CTNNA3: variants seen among roughly 807,000 people sequenced by gnomAD.
CTNNA3 encodes the protein catenin alpha 3, also known as catenin alpha-3.
Under a neutral mutation model 95.7 loss-of-function variants are expected in CTNNA3, and 76 were observed. The observed-to-expected ratio is 0.79, with a 90% CI of 0.66 to 0.96. The LOEUF (loss-of-function observed/expected upper bound fraction) is 0.96. CTNNA3 is among the 40% of genes least tolerant of loss of function. CTNNA3 has a pLI of 0.00. For synonymous variants in CTNNA3, 431 were observed against 374.4 expected (o/e 1.15, Z -1.74); for missense variants, 1,191 against 1,089.8 (o/e 1.09, Z -1.31).
chr10:66,869,713 G>T (rs1191023974), intron 7 of CTNNA3, among the ~76,000 whole-genome samples: 1 of 152,090 alleles, frequency 6.6e-6, no homozygotes, highest in African/African-American at 2.4e-5. Flanking sequence ...TGATTCTGGA[G>T]GCAGATTAGA....
At chr10:66,643,069 A>G (rs1259221244) in intron 9 of CTNNA3, among the ~76,000 whole-genome samples, 1 of 152,206 alleles carries the variant, frequency 6.6e-6, no homozygotes, top group East Asian at 1.9e-4. Context: ...ATGATAACAA[A>G]GATCAGATTA....
intron 5 of CTNNA3, among the ~76,000 whole-genome samples, chr10:67,301,860 T>A (rs1049009395): frequency 1.3e-5 from 2 of 151,404 alleles, no homozygotes; most frequent in Non-Finnish European, 2.9e-5. Context: ...TCCCAGCTAA[T>A]CGGGAGGCTG....
chr10:66,267,456 T>C (rs1002068879), intron 13 of CTNNA3, among the ~76,000 whole-genome samples: 2 of 152,162 alleles, frequency 1.3e-5, no homozygotes, highest in African/African-American at 4.8e-5. Flanking sequence ...CTCTGTATTT[T>C]AAAACATGAT....
intron 6 of CTNNA3, among the ~76,000 whole-genome samples, chr10:67,215,254 G>A (rs1322516411): frequency 1.3e-5 from 2 of 151,998 alleles, no homozygotes; most frequent in African/African-American, 4.8e-5. Flanking sequence ...AATTTTGACA[G>A]TCTTTTGTTT....
At chr10:66,309,910 TAA>T (rs1338741417) in intron 12 of CTNNA3, among the ~76,000 whole-genome samples, 1 of 22,828 alleles carries the variant, frequency 4.4e-5, no homozygotes, top group East Asian at 1.6e-3. Flanking sequence ...ATACAAAAAA[TAA>T]ATAAATAAAT....
chr10:66,685,011 T>C (rs1847199349), intron 9 of CTNNA3, among the ~76,000 whole-genome samples: 1 of 151,322 alleles, frequency 6.6e-6, no homozygotes, highest in South Asian at 2.1e-4. Flanking sequence ...TGGCTAATAG[T>C]TCAAATTTTG....
chr10:67,003,204 C>T (rs756588122), intron 7 of CTNNA3, among the ~76,000 whole-genome samples: 7 of 152,142 alleles, frequency 4.6e-5, no homozygotes. Flanking sequence ...TATTCAGGCA[C>T]AGTGCCTATG....
At chr10:67,187,812 C>T (rs1392268323) in intron 6 of CTNNA3, among the ~76,000 whole-genome samples, 4 of 152,096 alleles carry the variant, frequency 2.6e-5, no homozygotes, top group Non-Finnish European at 4.4e-5. Context: ...TCTCAAACTC[C>T]TGAGTTCAGG....
At chr10:66,055,690 G>A (rs941065950) in intron 15 of CTNNA3, among the ~76,000 whole-genome samples, 13 of 152,096 alleles carry the variant, frequency 8.5e-5, no homozygotes, top group African/African-American at 1.2e-4. Flanking sequence ...TCGGGAGGCC[G>A]AGGCAGGCAG....
At chr10:66,071,427 A>ATCCCAAT (rs2080431752) in intron 14 of CTNNA3, among the ~76,000 whole-genome samples, 1 of 27,934 alleles carries the variant, frequency 3.6e-5, no homozygotes, top group African/African-American at 1.1e-4. Flanking sequence ...AATTATTATT[A>ATCCCAAT]TCCCAATTTT....
chr10:66,074,345 A>G (rs899831409), intron 14 of CTNNA3, among the ~76,000 whole-genome samples: 1 of 151,920 alleles, frequency 6.6e-6, no homozygotes, highest in African/African-American at 2.4e-5. Flanking sequence ...TTAGGTGCAC[A>G]TATGGGTGTA....
At position 67,277,881 on chromosome 10, in the gene CTNNA3, C is replaced by G. The variant is rs142834520; in HGVS notation, c.580-58011G>C. On this transcript the variant is annotated intron_variant, in intron 5 of 17. Transcript: ENST00000433211. ...CCCTCAGTTCTGGGAATTGCCCACC[C>G]CTTTCCCAGAAAACTTATGAATAAT... 7.7e-3 allele frequency among the ~76,000 whole-genome samples: 1,173 copies of G among 152,256 alleles called. 40 individuals are homozygous for G. In the South Asian group the frequency reaches 0.093, roughly 12 times the overall value.
intron 13 of CTNNA3, among the ~76,000 whole-genome samples, chr10:66,121,117 G>A (rs1406497192): frequency 1.3e-5 from 2 of 152,138 alleles, no homozygotes; most frequent in African/African-American, 4.8e-5. Context: ...TTGCCTACTA[G>A]CCTTCTCTCA....
chr10:66,260,934 A>G (rs1162156264), intron 13 of CTNNA3, among the ~76,000 whole-genome samples: 1 of 152,140 alleles, frequency 6.6e-6, no homozygotes, highest in African/African-American at 2.4e-5. Context: ...TTTGCGGCCA[A>G]GACAAAAGTA....
At chr10:67,133,325 T>TATATATATATATATATATATATATATTTA (rs1860120432) in intron 7 of CTNNA3, among the ~76,000 whole-genome samples, 1 of 39,314 alleles carries the variant, frequency 2.5e-5, no homozygotes, top group African/African-American at 1.7e-4. Context: ...ATATATATAT[T>TATATATATATATATATATATATATATTTA]TATACACACA....
intron 13 of CTNNA3, among the ~76,000 whole-genome samples, chr10:66,127,575 C>CT (rs2082885931): frequency 6.6e-6 from 1 of 151,872 alleles, no homozygotes. Context: ...CAAGAAAAGA[C>CT]TAAGGAGGCA....
chr10:66,702,776 G>A (rs1313982874), intron 9 of CTNNA3, among the ~76,000 whole-genome samples: 2 of 146,768 alleles, frequency 1.4e-5, no homozygotes, highest in African/African-American at 2.6e-5. Context: ...CATCGTCGTC[G>A]TCGTTGTCGT....
At chr10:66,337,867 G>T (rs1276966165) in intron 12 of CTNNA3, among the ~76,000 whole-genome samples, 1 of 151,958 alleles carries the variant, frequency 6.6e-6, no homozygotes, top group African/African-American at 2.4e-5. Context: ...ATATATATGT[G>T]AGTTACCACA....
At chr10:66,579,812 C>A (rs1345515176) in intron 10 of CTNNA3, among the ~76,000 whole-genome samples, 2 of 151,696 alleles carry the variant, frequency 1.3e-5, no homozygotes, top group Non-Finnish European at 3.0e-5. Context: ...GTAATTTTTG[C>A]TGGCTTCCCT....
Sources: gnomAD v4.1 joint callset for allele counts (sites outside exome capture counted in the v4.1 genomes callset) on GRCh38, gnomAD v4.1.1 for gene constraint, MANE v1.5 for transcripts, NCBI Gene and HGNC (gene_info 2026-07-23, HGNC 2026-07-21) for gene names.